Variants in HSP90AA1 observed in about 807,000 individuals in gnomAD.
HSP90AA1 encodes the protein heat shock protein 90 alpha family class A member 1, also known as heat shock protein HSP 90-alpha.
A neutral mutation model predicts 73.3 loss-of-function variants in HSP90AA1; 18 were observed. The ratio of observed to expected loss-of-function variants is 0.25; its 90% CI spans 0.17 to 0.36. The LOEUF is 0.36. Ranked by LOEUF, HSP90AA1 falls within the 10% of genes least tolerant of loss-of-function variation. The pLI is 1.00. For missense variants in HSP90AA1, 704 were observed against 874.2 expected (o/e 0.81, Z 2.45); for synonymous variants, 477 against 296.9 (o/e 1.61, Z -6.24).
At chr14:102,107,812 C>T (rs2049587853) in intron 1 of HSP90AA1, among the ~76,000 whole-genome samples, 1 of 152,020 alleles carries the variant, frequency 6.6e-6, no homozygotes, top group Admixed American at 6.6e-5. Context: ...TGAGCACAGA[C>T]CCAAGGGAAG....
At chr14:102,101,944 G>A in exon 2 of HSP90AA1, 3 of 1,614,198 alleles carry the variant, frequency 1.9e-6, no homozygotes, top group Non-Finnish European at 2.5e-6. Flanking sequence ...GGCTCTGTCT[G>A]AAGGCCAGTG....
chr14:102,084,162 C>CGGG (rs35503105), intron 6 of HSP90AA1, 179 bp from the exon 7 acceptor site: 1 of 694,856 alleles, frequency 1.4e-6, no homozygotes. Flanking sequence ...CTCTGCCTCC[C>CGGG]GGGGGGGTTC....
chr14:102,104,031 A>C (rs1310710337), intron 1 of HSP90AA1, among the ~76,000 whole-genome samples: 1 of 150,110 alleles, frequency 6.7e-6, no homozygotes, highest in Non-Finnish European at 1.5e-5. Flanking sequence ...ACAGATTGAA[A>C]TTCTGTCTCA....
At chr14:102,122,395 C>T (rs776337434) in intron 1 of HSP90AA1, among the ~76,000 whole-genome samples, 2 of 151,480 alleles carry the variant, frequency 1.3e-5, no homozygotes, top group Non-Finnish European at 2.9e-5. Flanking sequence ...ATTCTCCTAC[C>T]TCAGCCTCCC....
At chr14:102,103,180 CAAAAAAAAA>C (rs898771022) in intron 1 of HSP90AA1, among the ~76,000 whole-genome samples, 3 of 37,210 alleles carry the variant, frequency 8.1e-5, no homozygotes, top group Non-Finnish European at 1.6e-4. Context: ...GACTCAGTCT[CAAAAAAAAA>C]AAAAAAAAAA....
intron 9 of HSP90AA1, 183 bp from the exon 10 acceptor site, chr14:102,082,627 A>T (rs561815441): frequency 5.7e-5 from 36 of 626,520 alleles, no homozygotes; most frequent in Admixed American, 2.8e-4. Flanking sequence ...TTACATGCAC[A>T]ATTTTTTTTT....
Position 102,082,283 on chromosome 14 carries a change from G to A in HSP90AA1, c.1917C>T (p.Asp639=), listed in dbSNP as rs113093780. 8 of 1,613,934 alleles carry A rather than the reference G, an allele frequency of 5.0e-6. No homozygotes were observed. In the African/African-American group the frequency reaches 5.3e-5, roughly 11 times the overall value. Residue 639 remains aspartate, a synonymous_variant, in exon 10 of 11, where the codon GAC becomes GAT. Transcript: ENST00000216281. The stretch of plus-strand genomic sequence containing the variant: ...GCCTTAAGGTCTCAATAATGGAATG[G>A]TCAGGGTTTATCTCCAGGTGTTTCT... ...AAKKHLEINP[D]HSIIETLRQK...
At chr14:102,115,294 AAAACAAAC>A (rs3993378) in intron 1 of HSP90AA1, among the ~76,000 whole-genome samples, 1 of 149,080 alleles carries the variant, frequency 6.7e-6, no homozygotes, top group Non-Finnish European at 1.5e-5. Flanking sequence ...TCCATCTCAT[AAAACAAAC>A]AAACAAACAA....
At chr14:102,126,511 T>A (rs963371143) in intron 1 of HSP90AA1, among the ~76,000 whole-genome samples, 1 of 152,124 alleles carries the variant, frequency 6.6e-6, no homozygotes, top group Non-Finnish European at 1.5e-5. Flanking sequence ...ACTGACTGCA[T>A]CCTCGACTAG....
chr14:102,129,133 A>ATTTTT (rs71116884), intron 1 of HSP90AA1, among the ~76,000 whole-genome samples: 111 of 94,396 alleles, frequency 1.2e-3, no homozygotes, highest in African/African-American at 3.9e-3. Flanking sequence ...TCTAGTTTTG[A>ATTTTT]TTTTTTTTTT....
chr14:102,097,559 G>A (rs961052886), intron 2 of HSP90AA1, among the ~76,000 whole-genome samples: 2 of 151,974 alleles, frequency 1.3e-5, no homozygotes, highest in Non-Finnish European at 2.9e-5. Flanking sequence ...CCCCCCAAGG[G>A]CAACCTCTGG....
chr14:102,082,231 TGTC>T lies in HSP90AA1; in HGVS notation c.1966_1968del (p.Asp656del), dbSNP rs1322678444. 1 of 1,613,872 alleles carries T rather than the reference TGTC, an allele frequency of 6.2e-7. No homozygotes were observed. The highest frequency in any genetic ancestry group is 8.5e-7 in the Non-Finnish European group (1 of 1,179,760). On this transcript the variant is annotated inframe_deletion, in exon 10 of 11. Transcript: ENST00000216281. Reference sequence around the variant, plus strand: ...AAGATGACCAGATCCTTCACAGACTTGTCGTTCTTATCAGCCTCTGCCTTTTGC... The same window carrying T: ...AAGATGACCAGATCCTTCACAGACTTGTTCTTATCAGCCTCTGCCTTTTGC...
intron 1 of HSP90AA1, among the ~76,000 whole-genome samples, chr14:102,105,132 C>T (rs906019873): frequency 2.7e-5 from 4 of 149,116 alleles, no homozygotes; most frequent in East Asian, 2.0e-4. Flanking sequence ...CGCTTGAACC[C>T]GGGAGGTGGA....
chr14:102,103,491 G>A (rs2049522938), intron 1 of HSP90AA1, among the ~76,000 whole-genome samples: 2 of 151,898 alleles, frequency 1.3e-5, no homozygotes, highest in Admixed American at 6.6e-5. Flanking sequence ...AGTTTGAGAT[G>A]AGCCTGGGCA....
intron 1 of HSP90AA1, among the ~76,000 whole-genome samples, chr14:102,124,090 C>T (rs2049812132): frequency 6.6e-6 from 1 of 151,520 alleles, no homozygotes; most frequent in Non-Finnish European, 1.5e-5. Flanking sequence ...GCCTATTTAT[C>T]TTATTTTGTT....
chr14:102,125,121 A>C (rs1190600), intron 1 of HSP90AA1, among the ~76,000 whole-genome samples: 100,607 of 152,026 alleles, frequency 0.66, 36,879 homozygotes, highest in East Asian at 0.92. Flanking sequence ...CCTCCCAAGT[A>C]GCTGGGACTA....
exon 1 of HSP90AA1, chr14:102,139,631 A>C (rs572151114): frequency 1.1e-5 from 7 of 643,110 alleles, no homozygotes; most frequent in African/African-American, 1.8e-5. Flanking sequence ...ACTAGACCCC[A>C]CTAGCTGAAG....
chr14:102,088,049 G>A (rs1228316646), upstream of HSP90AA1, among the ~76,000 whole-genome samples: 6 of 149,414 alleles, frequency 4.0e-5, no homozygotes, highest in Admixed American at 2.7e-4. Flanking sequence ...CCGGGCTCAG[G>A]TGATCCTCCC....
intron 1 of HSP90AA1, among the ~76,000 whole-genome samples, chr14:102,121,192 C>T (rs1283108313): frequency 6.6e-6 from 1 of 152,052 alleles, no homozygotes; most frequent in African/African-American, 2.4e-5. Flanking sequence ...TGAGCCACCA[C>T]ACCAGGCCTG....
Sources: allele counts gnomAD v4.1 joint callset (sites outside exome capture counted in the v4.1 genomes callset), GRCh38; gene constraint gnomAD v4.1.1; transcripts MANE v1.5; gene names NCBI Gene and HGNC (gene_info 2026-07-23, HGNC 2026-07-21).